MOK: variants seen among roughly 807,000 people sequenced by gnomAD.
MOK encodes MOK protein kinase, also known as MAPK/MAK/MRK overlapping kinase.
A neutral mutation model predicts 54.2 loss-of-function variants in MOK; 59 were observed. The ratio of observed to expected loss-of-function variants is 1.09; its 90% CI spans 0.88 to 1.35. The LOEUF is 1.35. MOK is among the 40% of genes most tolerant of loss of function. The pLI, the probability that MOK is intolerant of heterozygous loss-of-function variation, is 0.00. For synonymous variants in MOK, 210 were observed against 202.7 expected, an observed-to-expected ratio of 1.04 and a Z score of -0.31; for missense variants, 517 against 526.2, an observed-to-expected ratio of 0.98 and a Z score of 0.17.
intron 1 of MOK, 148 bp downstream of exon 1, chr14:102,304,814 C>T (rs1308511914): frequency 3.6e-6 from 3 of 838,208 alleles, no homozygotes; most frequent in African/African-American, 1.7e-5. Flanking sequence ...TCGGGGCCCA[C>T]ATGCGGAGCC....
chr14:102,220,841 T>G (rs563320640), downstream of MOK, among the ~76,000 whole-genome samples: 1 of 152,148 alleles, frequency 6.6e-6, no homozygotes, highest in South Asian at 2.1e-4. This position sits in a 1 kb window ranked among gnomAD's most constrained non-coding sequence, Gnocchi z 4.2. Context: ...GGATCGCGGC[T>G]CATTGCACCC....
intron 2 of MOK, among the ~76,000 whole-genome samples, chr14:102,270,022 C>T (rs2068226407): frequency 6.6e-6 from 1 of 152,136 alleles, no homozygotes; most frequent in African/African-American, 2.4e-5. Context: ...AGATAATGTG[C>T]TGGACCATAA....
chr14:102,286,641 T>C (rs984168370), intron 1 of MOK, among the ~76,000 whole-genome samples: 4 of 152,030 alleles, frequency 2.6e-5, no homozygotes, highest in African/African-American at 9.7e-5. Flanking sequence ...CTCAAGTACA[T>C]ATGACAGGAA....
intron 1 of MOK, among the ~76,000 whole-genome samples, chr14:102,292,815 G>A (rs2070914155): frequency 6.6e-6 from 1 of 151,990 alleles, no homozygotes; most frequent in Non-Finnish European, 1.5e-5. Context: ...CATTCAATTT[G>A]TATATGAGTG....
chr14:102,285,073 A>T (rs1187490428), intron 1 of MOK, among the ~76,000 whole-genome samples: 1 of 140,814 alleles, frequency 7.1e-6, no homozygotes, highest in African/African-American at 2.8e-5. Flanking sequence ...ACAGAGTGAG[A>T]TGTCATCTCA....
chr14:102,263,450 A>T (rs751973655), intron 4 of MOK, 96 bp downstream of exon 4: 5 of 874,904 alleles, frequency 5.7e-6, no homozygotes, highest in Non-Finnish European at 8.8e-6. Flanking sequence ...TAACTACAGC[A>T]CTATGGTGAC....
At chr14:102,294,011 G>C (rs757270486) in intron 1 of MOK, among the ~76,000 whole-genome samples, 6 of 151,490 alleles carry the variant, frequency 4.0e-5, no homozygotes, top group Non-Finnish European at 7.4e-5. Flanking sequence ...TAAAGATCAC[G>C]GGAAGGGGCC....
intron 1 of MOK, among the ~76,000 whole-genome samples, chr14:102,300,862 C>T (rs1385472620): frequency 6.6e-6 from 1 of 152,114 alleles, no homozygotes; most frequent in Non-Finnish European, 1.5e-5. Flanking sequence ...TTTGGAAGGC[C>T]AAGGCAGGTG....
At chr14:102,257,975 CA>C (rs34751303) in intron 4 of MOK, among the ~76,000 whole-genome samples, 19,747 of 102,378 alleles carry the variant, frequency 0.19, 1,679 homozygotes, top group African/African-American at 0.33. Context: ...GACTCTGTCT[CA>C]AAAAAAAAAA....
At position 102,265,865 on chromosome 14, in the gene MOK, A is replaced by G. The variant is rs1204434669; in HGVS notation, c.170T>C (p.Leu57Pro). ...NLREIQALRR[L>P]NPHPNILMLH... ...CATAAGAATGTTTGGGTGCGGATTC[A>G]GGCGCCTCAGTGCTTGGATCTCTCG... The change falls in exon 3 of 12, where the codon CTG (leucine) becomes CCG (proline). Residue 57 changes from leucine to proline, a missense_variant. Leu to Pro is a moderately conservative substitution (Grantham distance 98, BLOSUM62 -3). Transcript: ENST00000361847. The G allele has an allele frequency of 1.2e-6, 2 of 1,613,932 alleles. No homozygotes were observed. Among genetic ancestry groups the G allele is most frequent in the Non-Finnish European group, 1.7e-6 (2 of 1,179,930 alleles).
In MOK at chr14:102,236,914, C is replaced by A. The variant is rs1028374512; in HGVS notation, c.591-3125G>T. 6.6e-6 allele frequency among the ~76,000 whole-genome samples: 1 copy of A among 152,216 alleles called. No homozygotes were observed. The highest frequency in any genetic ancestry group is 2.4e-5 in the African/African-American group (1 of 41,458). On this transcript the variant is annotated intron_variant, in intron 7 of 11. Coordinates refer to ENST00000361847, the MANE Select transcript of MOK (RefSeq NM_014226.3). This position sits in a 1 kb window ranked among gnomAD's most constrained non-coding sequence, Gnocchi z 4.5. ...ACGGCTCATACCGACTCCTGCAAGA[C>A]CTCCGAGCCATCAGTCAGGCTGTCT...
chr14:102,277,987 G>C (rs2153162417), intron 2 of MOK, among the ~76,000 whole-genome samples: 1 of 152,254 alleles, frequency 6.6e-6, no homozygotes, highest in East Asian at 1.9e-4. Flanking sequence ...GAGGTAATTA[G>C]AGCACATGGC....
intron 2 of MOK, among the ~76,000 whole-genome samples, chr14:102,271,093 G>A (rs1229105727): frequency 6.6e-6 from 1 of 152,180 alleles, no homozygotes; most frequent in Non-Finnish European, 1.5e-5. Flanking sequence ...GCTGAGGCAG[G>A]AGAATTGCTT....
At chr14:102,291,794 T>C (rs1469669918) in intron 1 of MOK, among the ~76,000 whole-genome samples, 3 of 151,872 alleles carry the variant, frequency 2.0e-5, no homozygotes, top group Non-Finnish European at 4.4e-5. Context: ...CCATCTCTAC[T>C]AAAAATACAA....
intron 7 of MOK, among the ~76,000 whole-genome samples, chr14:102,239,438 A>AGACCCTTTCCTC (rs1237591823): frequency 2.6e-5 from 4 of 151,728 alleles, no homozygotes; most frequent in South Asian, 2.1e-4. Context: ...CCTCCTTCTG[A>AGACCCTTTCCTC]TTCTCAATTA....
rs1305472278 is a variant in MOK, at chr14:102,305,162, C to G, written c.-194G>C. ...CCTGTCACCCTAGCAACCGTCAGGCCCTGAACGCCATGAGCTGTCGCCTGC... is the reference window on the plus strand; with the variant it reads ...CCTGTCACCCTAGCAACCGTCAGGCGCTGAACGCCATGAGCTGTCGCCTGC... On this transcript the variant is annotated 5_prime_UTR_variant, in exon 1 of 12. Coordinates refer to ENST00000361847, the MANE Select transcript of MOK (RefSeq NM_014226.3). 1.4e-6 allele frequency: 1 copy of G among 690,686 alleles called. No homozygotes were observed. Among genetic ancestry groups the G allele is most frequent in the Non-Finnish European group, 2.6e-6 (1 of 391,996 alleles). The allele number at this position is 690,686 out of a possible 1,614,324, so 42.8% of individuals were successfully genotyped here.
intron 11 of MOK, 29 bp downstream of exon 11, chr14:102,229,428 C>T (rs901863390): frequency 1.2e-6 from 2 of 1,613,982 alleles, no homozygotes; most frequent in African/African-American, 1.3e-5. Context: ...CGAAGAGCAG[C>T]GCCGTCAGAG....
chr14:102,299,584 G>C (rs1311316554), intron 1 of MOK, among the ~76,000 whole-genome samples: 1 of 152,030 alleles, frequency 6.6e-6, no homozygotes, highest in East Asian at 1.9e-4. Context: ...AACTTCTCTG[G>C]GTTTTTGTTT....
At chr14:102,270,116 G>A (rs1482540859) in intron 2 of MOK, among the ~76,000 whole-genome samples, 1 of 152,174 alleles carries the variant, frequency 6.6e-6, no homozygotes, top group East Asian at 1.9e-4. Flanking sequence ...AATCAGTACA[G>A]TAAGTTATCT....
Sources: allele counts gnomAD v4.1 joint callset (sites outside exome capture counted in the v4.1 genomes callset), GRCh38; gene constraint gnomAD v4.1.1; non-coding constraint Gnocchi (gnomAD v3.1); transcripts MANE v1.5; gene names NCBI Gene and HGNC (gene_info 2026-07-23, HGNC 2026-07-21).